SACM1L: variants seen among roughly 807,000 people sequenced by gnomAD.
SACM1L encodes phosphatidylinositol-3-phosphatase SAC1.
A neutral mutation model predicts 89.5 loss-of-function variants in SACM1L; 32 were observed. The ratio of observed to expected loss-of-function variants is 0.36; its 90% CI spans 0.27 to 0.48. The LOEUF (loss-of-function observed/expected upper bound fraction) is 0.48. Ranked by LOEUF, SACM1L falls within the 20% of genes least tolerant of loss-of-function variation. SACM1L has a pLI of 0.99. For synonymous variants in SACM1L, 213 were observed against 232.8 expected, an observed-to-expected ratio of 0.92 and a Z score of 0.77; for missense variants, 543 against 708.5, an observed-to-expected ratio of 0.77 and a Z score of 2.65.
chr3:45,719,348 T>C (rs566517999), intron 7 of SACM1L, 152 bp from the exon 8 acceptor site: 131 of 435,776 alleles, frequency 3.0e-4, no homozygotes, highest in African/African-American at 2.4e-3. Flanking sequence ...CAGTTGATTA[T>C]AGTACTAAGG....
At chr3:45,732,030 CT>C (rs768807687) in intron 12 of SACM1L, 22 bp from the exon 13 acceptor site, 1 of 1,414,954 alleles carries the variant, frequency 7.1e-7, no homozygotes, top group Non-Finnish European at 9.7e-7. Context: ...TGGTCGGTTT[CT>C]GAATATCTTT....
rs747636124 is a variant in SACM1L, at chr3:45,732,091, T to G, written c.1040T>G (p.Met347Arg). Residue 347 changes from methionine to arginine, a missense_variant, in exon 13 of 20, where the codon ATG (methionine) becomes AGG (arginine). Physicochemically the swap from Met to Arg is moderately conservative, Grantham distance 91. Coordinates refer to ENST00000389061, the MANE Select transcript of SACM1L (RefSeq NM_014016.5). ...GACTTCCATAAGGAATGTAAAAATA[T>G]GAGATGGGATCGACTAAGTATTTTA... is the stretch of plus-strand genomic sequence containing the variant. Reference protein sequence around the residue: ...AFDFHKECKNMRWDRLSILLD... With the variant: ...AFDFHKECKNRRWDRLSILLD... 12 of 1,604,320 alleles carry G rather than the reference T, an allele frequency of 7.5e-6. No individual in the cohort carries two copies. Among genetic ancestry groups the G allele is most frequent in the Non-Finnish European group, 9.3e-6 (11 of 1,176,778 alleles).
At position 45,712,715 on chromosome 3, in the gene SACM1L, A is replaced by G. The variant is rs141601462; in HGVS notation, c.484-422A>G. ...AGTCATTGAAGAATTTTGAGCAGAT[A>G]GGAGACAGGACATGTTAGAGAACTC... On this transcript the variant is annotated intron_variant, in intron 5 of 19. Transcript: ENST00000389061. Among the ~76,000 whole-genome samples, 134 of 152,340 alleles carry G rather than the reference A, an allele frequency of 8.8e-4. 1 individual carries two copies. The highest frequency in any genetic ancestry group is 6.8e-3 in the Middle Eastern group (2 of 294).
chr3:45,707,532 T>G (rs558871262), intron 4 of SACM1L, among the ~76,000 whole-genome samples: 4 of 152,226 alleles, frequency 2.6e-5, no homozygotes, highest in Non-Finnish European at 5.9e-5. Context: ...AAATTGAAAT[T>G]GAACATAAAT....
chr3:45,710,313 G>A (rs1247965129), intron 5 of SACM1L, among the ~76,000 whole-genome samples: 3 of 151,044 alleles, frequency 2.0e-5, no homozygotes, highest in Non-Finnish European at 2.9e-5. Context: ...CAATTCTCAT[G>A]TCTCAGCCTT....
chr3:45,707,113 T>A (rs1698417396), intron 4 of SACM1L: 1 of 413,894 alleles, frequency 2.4e-6, no homozygotes, highest in Admixed American at 4.3e-5. Flanking sequence ...TTTTTAAAGA[T>A]TCAGTTCTTA....
At position 45,743,642 on chromosome 3, in the gene SACM1L, A is replaced by G. The variant is rs1415163590; in HGVS notation, c.1737A>G (p.Arg579=). Residue 579 remains arginine, a synonymous_variant, in exon 20 of 20, where the codon AGA becomes AGG. Transcript: ENST00000389061. Reference sequence around the variant, plus strand: ...GCAAAGATTTTGTCGATGCTCCCAGACTGGTCCAGAAAGAAAAGATAGACT... The same window carrying G: ...GCAAAGATTTTGTCGATGCTCCCAGGCTGGTCCAGAAAGAAAAGATAGACT... ...YNGKDFVDAP[R]LVQKEKID is the part of the protein sequence containing the mutation. The G allele has an allele frequency of 3.1e-6, 5 of 1,612,104 alleles. No individual in the cohort carries two copies. Among genetic ancestry groups the G allele is most frequent in the Middle Eastern group, 1.6e-4 (1 of 6,074 alleles).
chr3:45,705,324 A>C (rs1698364189), intron 3 of SACM1L, 115 bp downstream of exon 3: 1 of 539,650 alleles, frequency 1.9e-6, no homozygotes, highest in Non-Finnish European at 3.3e-6. Context: ...TTAAGCAGTA[A>C]ATCTCTTGGT....
intron 1 of SACM1L, among the ~76,000 whole-genome samples, chr3:45,700,358 G>C (rs1369401355): frequency 6.6e-6 from 1 of 152,166 alleles, no homozygotes; most frequent in Non-Finnish European, 1.5e-5. Flanking sequence ...TGAAGAAAAT[G>C]GTTGTAATAA....
At chr3:45,733,379 G>A (rs937421299) in intron 13 of SACM1L, among the ~76,000 whole-genome samples, 3 of 152,088 alleles carry the variant, frequency 2.0e-5, no homozygotes, top group South Asian at 2.1e-4. Flanking sequence ...TTCAGACTTC[G>A]GTTTCTTCAT....
At chr3:45,717,202 C>A (rs1698682298) in intron 7 of SACM1L, among the ~76,000 whole-genome samples, 1 of 152,162 alleles carries the variant, frequency 6.6e-6, no homozygotes, top group Non-Finnish European at 1.5e-5. Flanking sequence ...TCATTAGGTA[C>A]CATTTTGAAA....
intron 1 of SACM1L, among the ~76,000 whole-genome samples, chr3:45,702,949 T>G (rs975031328): frequency 6.6e-6 from 1 of 152,224 alleles, no homozygotes; most frequent in South Asian, 2.1e-4. Flanking sequence ...TGTTTTTAGC[T>G]AATACCTCTT....
At chr3:45,700,964 G>A (rs1026135160) in intron 1 of SACM1L, among the ~76,000 whole-genome samples, 3 of 152,200 alleles carry the variant, frequency 2.0e-5, no homozygotes, top group Admixed American at 6.5e-5. Context: ...GAGCCACCGC[G>A]CCCAGCCTCT....
intron 4 of SACM1L, among the ~76,000 whole-genome samples, chr3:45,708,847 G>T (rs1017097577): frequency 1.3e-5 from 2 of 152,100 alleles, no homozygotes; most frequent in African/African-American, 4.8e-5. Context: ...ATTAACAATT[G>T]TTTTTTAAAA....
At chr3:45,701,150 A>T (rs879035044) in intron 1 of SACM1L, among the ~76,000 whole-genome samples, 1 of 152,066 alleles carries the variant, frequency 6.6e-6, no homozygotes, top group Admixed American at 6.6e-5. Context: ...ACATTTCTTT[A>T]ATTTTTTTTT....
chr3:45,733,269 G>T (rs1559550865), intron 13 of SACM1L, among the ~76,000 whole-genome samples: 2 of 152,274 alleles, frequency 1.3e-5, no homozygotes, highest in Middle Eastern at 3.4e-3. Context: ...AAGGGTTTTG[G>T]GGGTAGTGGG....
rs1353557058 is a variant in SACM1L, at chr3:45,737,589, G to A, written c.1246G>A (p.Gly416Arg). 2 of 1,595,368 alleles carry A rather than the reference G, an allele frequency of 1.3e-6. No individual in the cohort carries two copies. Among genetic ancestry groups the A allele is most frequent in the Admixed American group, 1.9e-5 (1 of 53,282 alleles). ...GTGTGGTTTTTTATTCCAGAGACTA[G>A]GAGTTTTGCATGTGGGACAAAAGCT... ...RSLQAQLQRL[G>R]VLHVGQKLEE... The change falls in exon 15 of 20, where the codon GGA becomes AGA. Residue 416 changes from glycine (G) to arginine (R), a missense_variant. Gly to Arg is a moderately radical substitution (Grantham distance 125). This residue lies in a region of SACM1L where 370 missense variants were observed against 527.6 expected (regional missense o/e 0.70). Coordinates refer to ENST00000389061, the MANE Select transcript of SACM1L (RefSeq NM_014016.5).
chr3:45,715,548 G>A (rs565607168), intron 7 of SACM1L, among the ~76,000 whole-genome samples: 76 of 152,246 alleles, frequency 5.0e-4, no homozygotes, highest in African/African-American at 1.6e-3. Flanking sequence ...GGCCAAGGCC[G>A]GCAGATCATG....
intron 13 of SACM1L, among the ~76,000 whole-genome samples, chr3:45,734,429 GAAAAAAAATATTTTTAAGTATTT>G (rs1699151800): frequency 2.6e-5 from 4 of 151,224 alleles, no homozygotes; most frequent in African/African-American, 9.7e-5. Context: ...AAAAGAAAAA[GAAAAAAAATATTTTTAAGTATTT>G]AAAAAAAATT....
Sources: allele counts gnomAD v4.1 joint callset (sites outside exome capture counted in the v4.1 genomes callset), GRCh38; gene constraint gnomAD v4.1.1; regional missense constraint gnomAD v4.1.1; transcripts MANE v1.5; gene names NCBI Gene and HGNC (gene_info 2026-07-23, HGNC 2026-07-21).